Variants in BLTP1 observed in about 807,000 individuals in gnomAD.
The protein encoded by BLTP1 is bridge-like lipid transfer protein family member 1.
At chr4:122,205,426 A>G in the BLTP1 span, among the ~76,000 whole-genome samples, 1 of 151,834 alleles carries the variant, frequency 6.6e-6, no homozygotes, top group Non-Finnish European at 1.5e-5. Context: ...AGCTAGTAAA[A>G]TGATAAAGTC....
At chr4:122,180,654 C>T in the BLTP1 span, among the ~76,000 whole-genome samples, 2 of 152,186 alleles carry the variant, frequency 1.3e-5, no homozygotes, top group Non-Finnish European at 2.9e-5. Context: ...CTAATTGAGA[C>T]TCCTTGTTTT....
At chr4:122,283,753 G>T in the BLTP1 span, among the ~76,000 whole-genome samples, 1 of 152,060 alleles carries the variant, frequency 6.6e-6, no homozygotes, top group East Asian at 1.9e-4. Flanking sequence ...CAAGCGATCC[G>T]CCTGCCTTGG....
chr4:122,287,214 A>G, the BLTP1 span, among the ~76,000 whole-genome samples: 2 of 152,220 alleles, frequency 1.3e-5, no homozygotes, highest in African/African-American at 4.8e-5. Context: ...TCATACAGGT[A>G]TACATAATTA....
chr4:122,243,310 A>C, the BLTP1 span: 1 of 693,040 alleles, frequency 1.4e-6, no homozygotes, highest in African/African-American at 1.9e-5. Flanking sequence ...CTTCAGTATC[A>C]TATTTTTCAT....
chr4:122,321,979 A>ATTTTTTTTTTTTTTT, the BLTP1 span, among the ~76,000 whole-genome samples: 18 of 27,018 alleles, frequency 6.7e-4, no homozygotes, highest in African/African-American at 1.3e-3. Flanking sequence ...ACTACATGTA[A>ATTTTTTTTTTTTTTT]TTTTTTTTTT....
the BLTP1 span, among the ~76,000 whole-genome samples, chr4:122,235,977 G>A: frequency 6.6e-6 from 1 of 152,106 alleles, no homozygotes; most frequent in African/African-American, 2.4e-5. Flanking sequence ...GTGTTCCTAT[G>A]ATTCAGTGCA....
At chr4:122,208,754 T>C in the BLTP1 span, 2 of 738,992 alleles carry the variant, frequency 2.7e-6, no homozygotes, top group Non-Finnish European at 3.3e-6. Flanking sequence ...ATGCAAAATC[T>C]GCCATTTCAA....
chr4:122,264,095 A>G, the BLTP1 span: 2 of 933,602 alleles, frequency 2.1e-6, no homozygotes, highest in South Asian at 9.9e-5. Flanking sequence ...TGTCTGTAAA[A>G]TAACCTAAAA....
the BLTP1 span, among the ~76,000 whole-genome samples, chr4:122,211,694 T>G: frequency 6.6e-6 from 1 of 152,198 alleles, no homozygotes; most frequent in Non-Finnish European, 1.5e-5. Flanking sequence ...TTTTTTCCAC[T>G]GAAATTGTGT....
chr4:122,336,192 C>G, the BLTP1 span: 1 of 1,581,248 alleles, frequency 6.3e-7, no homozygotes, highest in Non-Finnish European at 8.6e-7. Context: ...AATGTTCTAG[C>G]CAAAGGAAAA....
At chr4:122,182,566 A>G in the BLTP1 span, 1 of 787,358 alleles carries the variant, frequency 1.3e-6, no homozygotes, top group Non-Finnish European at 1.5e-6. Context: ...AATCCTACTC[A>G]CTCATCATCA....
At chr4:122,232,669 C>T in the BLTP1 span, among the ~76,000 whole-genome samples, 1 of 152,028 alleles carries the variant, frequency 6.6e-6, no homozygotes, top group African/African-American at 2.4e-5. Flanking sequence ...AAGTAGATTA[C>T]GTTATAGAAG....
chr4:122,236,590 C>T, the BLTP1 span, among the ~76,000 whole-genome samples: 52 of 152,162 alleles, frequency 3.4e-4, 1 homozygote, highest in Admixed American at 3.3e-3. Flanking sequence ...AGAATCAGGG[C>T]CATTGAAGCC....
chr4:122,362,004 T>C, the BLTP1 span: 3 of 1,583,490 alleles, frequency 1.9e-6, no homozygotes, highest in Admixed American at 3.5e-5. Context: ...TTACACTCCT[T>C]AATAATAACT....
chr4:122,154,595 C>T, the BLTP1 span, among the ~76,000 whole-genome samples: 39 of 152,120 alleles, frequency 2.6e-4, no homozygotes, highest in African/African-American at 8.2e-4. Context: ...AGAAAATGGC[C>T]GGGCGCGGTG....
the BLTP1 span, chr4:122,198,384 A>G: frequency 5.3e-5 from 52 of 985,402 alleles, no homozygotes; most frequent in African/African-American, 1.0e-4. Flanking sequence ...TAGAAAAGCC[A>G]TACATCTTTT....
chr4:122,337,663 A>T, the BLTP1 span, among the ~76,000 whole-genome samples: 1 of 151,846 alleles, frequency 6.6e-6, no homozygotes, highest in African/African-American at 2.4e-5. Context: ...TTGGCACCTT[A>T]ATTTCTTGCC....
chr4:122,263,297 C>T, the BLTP1 span: 1 of 1,405,160 alleles, frequency 7.1e-7, no homozygotes, highest in Non-Finnish European at 9.2e-7. Context: ...CATTAATATC[C>T]AAATACCAAC....
the BLTP1 span, chr4:122,173,301 C>G: frequency 1.2e-6 from 1 of 857,698 alleles, no homozygotes. Context: ...GCTGGGAAGT[C>G]CCAAGTTGAG....
Sources: allele counts gnomAD v4.1 joint callset (sites outside exome capture counted in the v4.1 genomes callset), GRCh38; gene constraint gnomAD v4.1.1; transcripts MANE v1.5; gene names NCBI Gene and HGNC (gene_info 2026-07-23, HGNC 2026-07-21).